Variants in RSF1 observed in about 807,000 individuals in gnomAD.
RSF1 encodes remodeling and spacing factor 1.
Under a neutral mutation model 145.2 loss-of-function variants are expected in RSF1, and 13 were observed. The ratio of observed to expected loss-of-function variants is 0.09; its 90% confidence interval spans 0.06 to 0.14. The LOEUF is 0.14. RSF1 is among the 10% of genes least tolerant of loss of function. The pLI is 1.00. For missense variants in RSF1, 1,517 were observed against 1,718.2 expected, an observed-to-expected ratio of 0.88 and a Z score of 2.07; for synonymous variants, 577 against 592.6, an observed-to-expected ratio of 0.97 and a Z score of 0.38.
chr11:77,841,297 C>G, the RSF1 span: 1 of 696,404 alleles, frequency 1.4e-6, no homozygotes, highest in Non-Finnish European at 2.6e-6. Context: ...GACATTCAAA[C>G]CATAGCACTA....
At chr11:77,708,208 C>T (rs1488033942) in intron 5 of RSF1, among the ~76,000 whole-genome samples, 2 of 152,074 alleles carry the variant, frequency 1.3e-5, no homozygotes, top group Non-Finnish European at 2.9e-5. Flanking sequence ...TCATTTGAGC[C>T]CAGGAGTTTG....
At chr11:77,813,181 A>G (rs1948747010) in intron 1 of RSF1, 3 of 399,670 alleles carry the variant, frequency 7.5e-6, no homozygotes, top group Admixed American at 7.4e-5. Flanking sequence ...AATTTATTTG[A>G]TAAGTATTTT....
At chr11:77,750,054 AT>A (rs1175437238) in intron 2 of RSF1, among the ~76,000 whole-genome samples, 1 of 151,766 alleles carries the variant, frequency 6.6e-6, no homozygotes, top group Non-Finnish European at 1.5e-5. Flanking sequence ...CCCATTTTGT[AT>A]TTCTTTAAGG....
chr11:77,713,853 T>C (rs1590845867), intron 5 of RSF1, among the ~76,000 whole-genome samples: 1 of 152,216 alleles, frequency 6.6e-6, no homozygotes, highest in East Asian at 1.9e-4. Context: ...GGCATGTCTT[T>C]CTGAGAAGCT....
intron 4 of RSF1, among the ~76,000 whole-genome samples, chr11:77,737,421 C>T (rs911659303): frequency 6.6e-6 from 1 of 151,406 alleles, no homozygotes; most frequent in African/African-American, 2.4e-5. Flanking sequence ...GCACTCCACA[C>T]TGCAGCCTGG....
intron 1 of RSF1, among the ~76,000 whole-genome samples, chr11:77,793,323 A>C (rs1266324576): frequency 1.3e-5 from 2 of 152,100 alleles, no homozygotes; most frequent in African/African-American, 2.4e-5. Flanking sequence ...CTACAAAAGA[A>C]AAAAATTTAA....
At chr11:77,728,359 T>C (rs554749939) in intron 4 of RSF1, among the ~76,000 whole-genome samples, 2 of 152,268 alleles carry the variant, frequency 1.3e-5, no homozygotes, top group South Asian at 2.1e-4. Context: ...GGATAAACTT[T>C]GTAAAGATTA....
At chr11:77,795,993 C>T (rs533619786) in intron 1 of RSF1, among the ~76,000 whole-genome samples, 4 of 152,096 alleles carry the variant, frequency 2.6e-5, no homozygotes, top group Non-Finnish European at 5.9e-5. Flanking sequence ...AGTTTATTTG[C>T]GTAGAGGCGT....
intron 4 of RSF1, 44 bp downstream of exon 4, chr11:77,740,680 TCAATGTA>T: frequency 7.3e-6 from 11 of 1,516,626 alleles, no homozygotes; most frequent in Non-Finnish European, 1.0e-5. Flanking sequence ...TGAAACGAGA[TCAATGTA>T]CAAAACACAC....
chr11:77,855,862 G>A, the RSF1 span, among the ~76,000 whole-genome samples: 1 of 151,948 alleles, frequency 6.6e-6, no homozygotes, highest in Non-Finnish European at 1.5e-5. Flanking sequence ...CACTTTGGGA[G>A]GCCAAGGTTA....
rs200571519 is a variant in RSF1, at chr11:77,774,942, ATT to A, written c.188-10255_188-10254del. ...CCACCATGCCAGTATAATTTTTTGT[ATT>A]TTTAGTACAGATGAGGTTTCACTAT... is the stretch of plus-strand genomic sequence containing the variant. On this transcript the variant is annotated intron_variant, in intron 1 of 15. Transcript: ENST00000308488. Among the ~76,000 whole-genome samples, 722 of 147,392 alleles carry A rather than the reference ATT, an allele frequency of 4.9e-3. 5 individuals are homozygous for A. The highest frequency in any genetic ancestry group is 0.017 in the African/African-American group (689 of 40,052).
At chr11:77,717,271 G>T (rs1036116904) in intron 5 of RSF1, among the ~76,000 whole-genome samples, 12 of 151,738 alleles carry the variant, frequency 7.9e-5, no homozygotes, top group Admixed American at 4.6e-4. Context: ...CCTGAATACA[G>T]TGAGAATCCT....
At chr11:77,706,333 T>C (rs924462798) in intron 5 of RSF1, among the ~76,000 whole-genome samples, 7 of 152,152 alleles carry the variant, frequency 4.6e-5, no homozygotes, top group African/African-American at 1.7e-4. Context: ...TGTGGGACCT[T>C]TAGAAAATTA....
chr11:77,674,671 G>T (rs984416076), intron 14 of RSF1, among the ~76,000 whole-genome samples: 2 of 152,222 alleles, frequency 1.3e-5, no homozygotes, highest in Non-Finnish European at 2.9e-5. Flanking sequence ...CTTAAGAACA[G>T]AATTTTAAGA....
intron 4 of RSF1, among the ~76,000 whole-genome samples, chr11:77,736,750 A>C (rs1961363138): frequency 6.6e-6 from 1 of 152,194 alleles, no homozygotes; most frequent in Non-Finnish European, 1.5e-5. Flanking sequence ...TCCCCAGAAA[A>C]TACGCATATA....
chr11:77,826,255 G>A, the RSF1 span, among the ~76,000 whole-genome samples: 9 of 151,814 alleles, frequency 5.9e-5, no homozygotes, highest in African/African-American at 1.9e-4. Context: ...CCAGCTACTC[G>A]GGAGGCTGAG....
At chr11:77,862,726 C>T in the RSF1 span, among the ~76,000 whole-genome samples, 3 of 152,114 alleles carry the variant, frequency 2.0e-5, no homozygotes, top group Non-Finnish European at 4.4e-5. Context: ...ACATATGGCA[C>T]TTCACTCTTC....
chr11:77,691,323 G>A, intron 8 of RSF1, 85 bp from the exon 9 acceptor site: 2 of 1,111,902 alleles, frequency 1.8e-6, no homozygotes, highest in Non-Finnish European at 2.7e-6. Context: ...TGGGTAGTGG[G>A]CTCTGAGAGC....
At chr11:77,687,408 A>G (rs12794428) in intron 9 of RSF1, among the ~76,000 whole-genome samples, 112,321 of 152,030 alleles carry the variant, frequency 0.74, 42,167 homozygotes, top group African/African-American at 0.88. Flanking sequence ...ATTTAAAGCC[A>G]GGTGTGGTAG....
Sources: gnomAD v4.1 joint callset for allele counts (sites outside exome capture counted in the v4.1 genomes callset) on GRCh38, gnomAD v4.1.1 for gene constraint, MANE v1.5 for transcripts, NCBI Gene and HGNC (gene_info 2026-07-23, HGNC 2026-07-21) for gene names.